Variants in UNC13C observed in about 807,000 individuals in gnomAD.
UNC13C encodes unc-13 homolog C, also known as protein unc-13 homolog C.
In UNC13C, 174 loss-of-function variants were observed where a neutral mutation model predicts 245.4. The ratio of observed to expected loss-of-function variants is 0.71; its 90% CI spans 0.63 to 0.80. The LOEUF (loss-of-function observed/expected upper bound fraction) is 0.80, where lower values mean the gene tolerates loss of function less well. UNC13C is among the 30% of genes least tolerant of loss of function. The probability of loss-of-function intolerance (pLI) is 0.00; values close to 1 mark genes in which losing one functional copy is unlikely to be tolerated. For synonymous variants in UNC13C, 992 were observed against 895.1 expected, an observed-to-expected ratio of 1.11 and a Z score of -1.93; for missense variants, 2,829 against 2,602.9, an observed-to-expected ratio of 1.09 and a Z score of -1.89.
At chr15:54,488,211 T>G (rs2141076946) in intron 19 of UNC13C, among the ~76,000 whole-genome samples, 1 of 152,332 alleles carries the variant, frequency 6.6e-6, no homozygotes, top group African/African-American at 2.4e-5. Flanking sequence ...GTTTTGTATC[T>G]ATCATAGTCT....
At chr15:54,605,591 C>A (rs747042459) in intron 30 of UNC13C, among the ~76,000 whole-genome samples, 2 of 152,068 alleles carry the variant, frequency 1.3e-5, no homozygotes, top group Admixed American at 6.5e-5. Flanking sequence ...TGGCATGGAG[C>A]CCACCCTTGT....
chr15:54,130,308 T>TTTTG (rs67637704), intron 2 of UNC13C, among the ~76,000 whole-genome samples: 3,962 of 119,130 alleles, frequency 0.033, 158 homozygotes, highest in African/African-American at 0.074. Flanking sequence ...TTTTTTTTTT[T>TTTTG]GTGAGACGGA....
chr15:54,607,746 A>C (rs1678808125), intron 30 of UNC13C, among the ~76,000 whole-genome samples: 1 of 152,080 alleles, frequency 6.6e-6, no homozygotes, highest in Admixed American at 6.6e-5. Context: ...GGAGAGACAA[A>C]GGGAAGGGGG....
the UNC13C span, among the ~76,000 whole-genome samples, chr15:53,887,100 G>A: frequency 2.0e-5 from 3 of 152,238 alleles, no homozygotes; most frequent in East Asian, 5.8e-4. Context: ...ATGGACTTTG[G>A]TTAATCCTAT....
intron 4 of UNC13C, among the ~76,000 whole-genome samples, chr15:54,161,055 A>G (rs2141266554): frequency 6.6e-6 from 1 of 152,236 alleles, no homozygotes; most frequent in Admixed American, 6.5e-5. Flanking sequence ...GTTGATCTAC[A>G]ATGAGTGGAT....
intron 4 of UNC13C, among the ~76,000 whole-genome samples, chr15:54,199,374 C>G (rs1314410820): frequency 4.6e-5 from 7 of 151,902 alleles, no homozygotes. Context: ...ATGATTATCC[C>G]CTAGGCACAT....
chr15:53,981,843 G>A (rs553430383), intron 1 of UNC13C, among the ~76,000 whole-genome samples: 14 of 152,156 alleles, frequency 9.2e-5, no homozygotes, highest in South Asian at 4.2e-4. Flanking sequence ...ACACTGAATC[G>A]TTTCTCCATC....
chr15:54,609,913 G>A (rs2141286883), intron 30 of UNC13C, among the ~76,000 whole-genome samples: 1 of 152,240 alleles, frequency 6.6e-6, no homozygotes, highest in Non-Finnish European at 1.5e-5. Flanking sequence ...GCTGAGCAAA[G>A]GGGAAAAAGC....
Position 54,494,702 on chromosome 15 carries a change from T to C in UNC13C, c.5028T>C (p.Pro1676=). The C allele has an allele frequency of 6.2e-7, 1 of 1,611,100 alleles. No individual in the cohort carries two copies. Among genetic ancestry groups the C allele is most frequent in the Non-Finnish European group, 8.5e-7 (1 of 1,178,588 alleles). The part of the protein sequence containing the change: ...WFYNEYVREL[P]AFKDAVPEYS... ...ATAATGAATATGTGCGTGAACTTCC[T>C]GCCTTCAAGGATGCTGTTCCTGAAT... is the stretch of plus-strand genomic sequence containing the variant. Residue 1676 remains proline (P), a synonymous_variant, in exon 20 of 33, where the codon CCT becomes CCC. Transcript: ENST00000260323.
At chr15:54,111,538 C>A (rs961450000) in intron 2 of UNC13C, among the ~76,000 whole-genome samples, 1 of 152,118 alleles carries the variant, frequency 6.6e-6, no homozygotes, top group Admixed American at 6.5e-5. Context: ...CTCTGGGAAA[C>A]CACAGGGCCT....
the UNC13C span, among the ~76,000 whole-genome samples, chr15:53,837,712 A>G: frequency 1.3e-5 from 2 of 152,132 alleles, no homozygotes; most frequent in Admixed American, 6.6e-5. Flanking sequence ...GTATCTGAAA[A>G]TTTCACTGGA....
At chr15:54,271,918 T>C (rs2036697823) in intron 10 of UNC13C, among the ~76,000 whole-genome samples, 1 of 152,196 alleles carries the variant, frequency 6.6e-6, no homozygotes, top group South Asian at 2.1e-4. Flanking sequence ...TTCCACCTAA[T>C]TTCCTGAGTG....
chr15:53,901,423 A>T, the UNC13C span, among the ~76,000 whole-genome samples: 1 of 150,778 alleles, frequency 6.6e-6, no homozygotes, highest in African/African-American at 2.4e-5. Flanking sequence ...ATGGGGTTTC[A>T]CTGTGTTAGC....
intron 17 of UNC13C, among the ~76,000 whole-genome samples, chr15:54,375,352 T>G (rs2039582927): frequency 6.6e-6 from 1 of 152,238 alleles, no homozygotes; most frequent in African/African-American, 2.4e-5. Context: ...AACCCTGTAG[T>G]GGTTGGCACT....
At chr15:54,494,111 A>G (rs1420045547) in intron 19 of UNC13C, among the ~76,000 whole-genome samples, 1 of 152,150 alleles carries the variant, frequency 6.6e-6, no homozygotes, top group Non-Finnish European at 1.5e-5. Flanking sequence ...TCCAATATTG[A>G]TTAATCAATG....
At chr15:54,497,579 A>G (rs1894012363) in intron 20 of UNC13C, among the ~76,000 whole-genome samples, 1 of 152,056 alleles carries the variant, frequency 6.6e-6, no homozygotes, top group Non-Finnish European at 1.5e-5. Context: ...AAAATCAAGT[A>G]GAAAGTGGCC....
At chr15:54,622,282 A>T (rs767632409) in intron 30 of UNC13C, 45 bp from the exon 31 acceptor site, 1 of 1,279,700 alleles carries the variant, frequency 7.8e-7, no homozygotes, top group South Asian at 1.2e-5. Flanking sequence ...GTCCATTATT[A>T]ATGAGTCTGA....
At chr15:54,389,789 C>G (rs373593055) in intron 17 of UNC13C, among the ~76,000 whole-genome samples, 3 of 151,710 alleles carry the variant, frequency 2.0e-5, no homozygotes, top group East Asian at 3.9e-4. Context: ...AGTGCAGTGG[C>G]ACAATCTTGG....
At chr15:54,392,045 A>AACTTATGGC (rs1465124047) in intron 17 of UNC13C, among the ~76,000 whole-genome samples, 1 of 152,086 alleles carries the variant, frequency 6.6e-6, no homozygotes, top group Non-Finnish European at 1.5e-5. Flanking sequence ...TTCTGGAGCC[A>AACTTATGGC]TAAGTTGATG....
Sources: allele counts gnomAD v4.1 joint callset (sites outside exome capture counted in the v4.1 genomes callset), GRCh38; gene constraint gnomAD v4.1.1; transcripts MANE v1.5; gene names NCBI Gene and HGNC (gene_info 2026-07-23, HGNC 2026-07-21).